The following CAMK2D variants were observed in gnomAD, a reference collection of about 807,000 sequenced individuals.
The protein encoded by CAMK2D is calcium/calmodulin-dependent protein kinase type II subunit delta.
CAMK2D carries 37 observed loss-of-function variants against 84.0 expected under a neutral mutation model. The ratio of observed to expected loss-of-function variants is 0.44; its 90% CI spans 0.34 to 0.58. The LOEUF is 0.58. Ranked by LOEUF, CAMK2D falls within the 20% of genes least tolerant of loss-of-function variation. The pLI, the probability that CAMK2D is intolerant of heterozygous loss-of-function variation, is 0.02. For synonymous variants in CAMK2D, 202 were observed against 212.5 expected, an observed-to-expected ratio of 0.95 and a Z score of 0.43; for missense variants, 448 against 652.5, an observed-to-expected ratio of 0.69 and a Z score of 3.41.
At chr4:113,756,319 C>T (rs1328166048) in intron 2 of CAMK2D, among the ~76,000 whole-genome samples, 1 of 151,948 alleles carries the variant, frequency 6.6e-6, no homozygotes, top group Non-Finnish European at 1.5e-5. Context: ...TGTAATGTTA[C>T]ATTTAAAGAA....
intron 16 of CAMK2D, among the ~76,000 whole-genome samples, chr4:113,495,123 T>C (rs1367928600): frequency 6.6e-6 from 1 of 152,194 alleles, no homozygotes; most frequent in Non-Finnish European, 1.5e-5. Context: ...AGCTGGGAGC[T>C]GTAGACCAGA....
intron 3 of CAMK2D, among the ~76,000 whole-genome samples, chr4:113,641,372 C>T (rs1043724892): frequency 2.0e-5 from 3 of 151,918 alleles, no homozygotes; most frequent in Non-Finnish European, 2.9e-5. Flanking sequence ...AGTAAAGGCT[C>T]GATATTTACT....
chr4:113,723,315 C>G (rs2099536721), intron 2 of CAMK2D, among the ~76,000 whole-genome samples: 1 of 151,720 alleles, frequency 6.6e-6, no homozygotes, highest in African/African-American at 2.4e-5. Flanking sequence ...ACCTCCACCT[C>G]CCAGTTTCAA....
rs759256206 is a variant in CAMK2D at position 113,663,584 on chromosome 4, G to A, written c.161-1812C>T. 2.3e-4 allele frequency among the ~76,000 whole-genome samples: 26 copies of A among 113,802 alleles called. 1 individual carries two copies. The highest frequency in any genetic ancestry group is 4.4e-4 in the Admixed American group (5 of 11,334). 74.7% of individuals were successfully genotyped at this position (113,802 alleles called of 152,430 possible). On this transcript the variant is annotated intron_variant, in intron 2 of 20. Coordinates refer to ENST00000511664, the MANE Select transcript of CAMK2D (RefSeq NM_001321571.2). ...AGCCTGGGTGACAGCGGGAGGCTCT[G>A]TCTAAAAATAATAATAATAATAATA... is the stretch of plus-strand genomic sequence containing the variant.
At chr4:113,500,020 T>A (rs1271640961) in intron 16 of CAMK2D, among the ~76,000 whole-genome samples, 1 of 108,402 alleles carries the variant, frequency 9.2e-6, no homozygotes, top group Non-Finnish European at 2.0e-5. Context: ...AATAGAAAAT[T>A]CTACTGATAT....
intron 2 of CAMK2D, among the ~76,000 whole-genome samples, chr4:113,757,234 G>C (rs1473197103): frequency 6.6e-6 from 1 of 152,100 alleles, no homozygotes; most frequent in Non-Finnish European, 1.5e-5. Context: ...AATCTAATTT[G>C]ATCATTATGA....
chr4:113,624,865 G>T (rs1592126028), intron 3 of CAMK2D, among the ~76,000 whole-genome samples: 1 of 152,112 alleles, frequency 6.6e-6, no homozygotes, highest in Non-Finnish European at 1.5e-5. Context: ...CAACAAATAG[G>T]CACCATAAGA....
intron 2 of CAMK2D, among the ~76,000 whole-genome samples, chr4:113,698,363 C>T (rs979393547): frequency 2.0e-5 from 3 of 151,922 alleles, no homozygotes; most frequent in Non-Finnish European, 4.4e-5. Flanking sequence ...GGACATGTAA[C>T]CAAAGATCTC....
chr4:113,630,575 G>A (rs946033052), intron 3 of CAMK2D, among the ~76,000 whole-genome samples: 6 of 152,120 alleles, frequency 3.9e-5, no homozygotes, highest in Non-Finnish European at 7.4e-5. Context: ...AACAGCTGCC[G>A]CTACATCTGC....
At chr4:113,721,122 G>A (rs1006962032) in intron 2 of CAMK2D, among the ~76,000 whole-genome samples, 1 of 152,050 alleles carries the variant, frequency 6.6e-6, no homozygotes, top group African/African-American at 2.4e-5. Flanking sequence ...CAGTCAGGAA[G>A]GAATAAACCT....
intron 2 of CAMK2D, among the ~76,000 whole-genome samples, chr4:113,699,621 G>A (rs1250044363): frequency 2.0e-5 from 3 of 152,014 alleles, no homozygotes; most frequent in African/African-American, 7.2e-5. Flanking sequence ...GATTTATGGG[G>A]AATAAAAAAC....
chr4:113,722,138 A>C (rs1354884278), intron 2 of CAMK2D, among the ~76,000 whole-genome samples: 2 of 151,898 alleles, frequency 1.3e-5, no homozygotes, highest in African/African-American at 4.8e-5. Context: ...GTATAGAAAA[A>C]GTTTTTTGCT....
At chr4:113,647,246 T>C (rs1437567447) in intron 3 of CAMK2D, among the ~76,000 whole-genome samples, 1 of 152,250 alleles carries the variant, frequency 6.6e-6, no homozygotes, top group Admixed American at 6.5e-5. Flanking sequence ...AATTAGCATA[T>C]GTCAGCATCA....
At position 113,502,861 on chromosome 4, in the gene CAMK2D, G is replaced by A. The variant is rs780577770; in HGVS notation, c.1086+75C>T. The A allele has an allele frequency of 1.6e-4, 165 of 1,030,496 alleles. No homozygotes were observed. In the Middle Eastern group the frequency reaches 1.7e-3, roughly 11 times the overall value. 63.8% of individuals were successfully genotyped at this position (1,030,496 alleles called of 1,614,324 possible). A position where few individuals can be genotyped will look rare whatever the true frequency, so the allele number is the denominator to read the frequency against. On this transcript the variant is annotated intron_variant, in intron 15 of 20. Transcript: ENST00000511664. ...ATTTTCTTTCCTATTTTTAGATAAC[G>A]AATTAATTTTTTTGAATATTTGATG...
intron 4 of CAMK2D, among the ~76,000 whole-genome samples, chr4:113,594,033 A>G (rs1467294203): frequency 1.3e-5 from 2 of 152,174 alleles, no homozygotes; most frequent in African/African-American, 4.8e-5. Context: ...CACAGGAAGT[A>G]TGGCAGCATT....
intron 3 of CAMK2D, among the ~76,000 whole-genome samples, chr4:113,658,815 C>T (rs771872127): frequency 7.9e-5 from 12 of 152,150 alleles, no homozygotes; most frequent in African/African-American, 1.9e-4. Flanking sequence ...AAGGATCACT[C>T]GAAATCTCTC....
intron 5 of CAMK2D, among the ~76,000 whole-genome samples, chr4:113,550,865 T>C (rs900775078): frequency 6.6e-6 from 1 of 152,196 alleles, no homozygotes; most frequent in Admixed American, 6.5e-5. Flanking sequence ...ATTAAAAAAT[T>C]AGAGCGTAGT....
intron 4 of CAMK2D, among the ~76,000 whole-genome samples, chr4:113,554,799 A>G (rs2098653479): frequency 6.6e-6 from 1 of 152,182 alleles, no homozygotes; most frequent in Non-Finnish European, 1.5e-5. Context: ...TAATGCCCAA[A>G]TTAAATCAGT....
chr4:113,600,763 G>C (rs1197833175), intron 4 of CAMK2D, among the ~76,000 whole-genome samples: 1 of 150,884 alleles, frequency 6.6e-6, no homozygotes, highest in Admixed American at 6.6e-5. Flanking sequence ...CTCTCAAGTA[G>C]CTGGGACTAC....
Sources: gnomAD v4.1 joint callset for allele counts (sites outside exome capture counted in the v4.1 genomes callset) on GRCh38, gnomAD v4.1.1 for gene constraint, MANE v1.5 for transcripts, NCBI Gene and HGNC (gene_info 2026-07-23, HGNC 2026-07-21) for gene names.